The following UBA2 variants were observed in gnomAD, a reference collection of about 807,000 sequenced individuals.
UBA2 encodes the protein SUMO-activating enzyme subunit 2.
Under a neutral mutation model 77.2 loss-of-function variants are expected in UBA2, and 11 were observed. The observed-to-expected ratio is 0.14, with a 90% CI of 0.09 to 0.24. The LOEUF is 0.24. Among genes scored for constraint, UBA2 ranks in the 10% least tolerant of loss-of-function variants. The pLI, the probability that UBA2 is intolerant of heterozygous loss-of-function variation, is 1.00. For missense variants in UBA2, 487 were observed against 781.7 expected (o/e 0.62, Z 4.50); for synonymous variants, 278 against 276.7 (o/e 1.00, Z -0.05).
chr19:34,450,585 A>G (rs555296212), intron 9 of UBA2, among the ~76,000 whole-genome samples: 26 of 152,146 alleles, frequency 1.7e-4, no homozygotes, highest in South Asian at 6.2e-4. Flanking sequence ...ACACAGATGC[A>G]GGCATTCGTT....
chr19:34,452,655 A>T (rs1286604315), intron 10 of UBA2, among the ~76,000 whole-genome samples: 2 of 152,184 alleles, frequency 1.3e-5, no homozygotes, highest in Non-Finnish European at 2.9e-5. Context: ...ATCTTTTGAG[A>T]TTTGATATTA....
At chr19:34,451,415 T>G (rs928728786) in intron 9 of UBA2, among the ~76,000 whole-genome samples, 1 of 152,134 alleles carries the variant, frequency 6.6e-6, no homozygotes, top group South Asian at 2.1e-4. Context: ...GAGTTCTCAT[T>G]CTCACTAGGT....
intron 13 of UBA2, among the ~76,000 whole-genome samples, chr19:34,459,135 T>G (rs2075604274): frequency 6.6e-6 from 1 of 152,172 alleles, no homozygotes; most frequent in Non-Finnish European, 1.5e-5. Context: ...GTAGGAGTAT[T>G]TGACTGGAAT....
At chr19:34,456,986 T>C (rs1363379373) in intron 12 of UBA2, among the ~76,000 whole-genome samples, 1 of 151,280 alleles carries the variant, frequency 6.6e-6, no homozygotes, top group Non-Finnish European at 1.5e-5. Flanking sequence ...CATCACATCC[T>C]TCCGGTTTCT....
At chr19:34,436,305 GTTTATTT>G in intron 5 of UBA2, among the ~76,000 whole-genome samples, 2 of 125,030 alleles carry the variant, frequency 1.6e-5, no homozygotes, top group African/African-American at 7.8e-5. Context: ...TTATTTATTT[GTTTATTT>G]TTTTGAGACA....
At chr19:34,447,524 G>A in intron 8 of UBA2, among the ~76,000 whole-genome samples, 1 of 152,206 alleles carries the variant, frequency 6.6e-6, no homozygotes, top group Non-Finnish European at 1.5e-5. Context: ...AGACTTGAAA[G>A]CCAGAAAAAT....
At chr19:34,431,218 C>T (rs1395676452) in intron 2 of UBA2, among the ~76,000 whole-genome samples, 6 of 120,976 alleles carry the variant, frequency 5.0e-5, no homozygotes, top group Non-Finnish European at 9.1e-5. Flanking sequence ...ACAACCTTTA[C>T]TTTACTTTTC....
intron 2 of UBA2, among the ~76,000 whole-genome samples, chr19:34,431,249 T>C (rs1331968915): frequency 3.1e-5 from 4 of 131,000 alleles, no homozygotes; most frequent in African/African-American, 1.1e-4. Context: ...CTTTTCTTTT[T>C]TTTTTTTTTT....
chr19:34,467,991 T>C (rs1331600725), intron 16 of UBA2, among the ~76,000 whole-genome samples: 3 of 152,204 alleles, frequency 2.0e-5, no homozygotes, highest in Non-Finnish European at 4.4e-5. Flanking sequence ...TTGTTAAGTA[T>C]GGAATTTAGG....
intron 16 of UBA2, 126 bp downstream of exon 16, chr19:34,467,140 A>G: frequency 8.7e-7 from 1 of 1,150,142 alleles, no homozygotes; most frequent in Admixed American, 2.5e-5. Flanking sequence ...TTTGGTATTG[A>G]TTGTTGTAAT....
At chr19:34,429,852 G>A (rs370234655) in intron 1 of UBA2, among the ~76,000 whole-genome samples, 1 of 152,142 alleles carries the variant, frequency 6.6e-6, no homozygotes, top group African/African-American at 2.4e-5. Context: ...CAAAGAAAAA[G>A]AACAGGGCAT....
intron 10 of UBA2, among the ~76,000 whole-genome samples, chr19:34,452,848 A>G (rs1361971773): frequency 6.6e-6 from 1 of 152,266 alleles, no homozygotes; most frequent in Non-Finnish European, 1.5e-5. Context: ...TGGTTGAATC[A>G]GACATCTAAA....
intron 4 of UBA2, 94 bp downstream of exon 4, chr19:34,433,506 T>G: frequency 1.1e-6 from 1 of 898,272 alleles, no homozygotes; most frequent in South Asian, 1.5e-5. Flanking sequence ...CTATTGTGAT[T>G]TAGAACTTAA....
At chr19:34,467,049 C>T (rs759293408) in intron 16 of UBA2, 35 bp downstream of exon 16, 2 of 1,599,392 alleles carry the variant, frequency 1.3e-6, no homozygotes, top group East Asian at 2.2e-5. Context: ...TTGTTAAATA[C>T]CCACAAAGCA....
At chr19:34,450,593 G>A (rs1599915014) in intron 9 of UBA2, among the ~76,000 whole-genome samples, 3 of 152,010 alleles carry the variant, frequency 2.0e-5, no homozygotes, top group Non-Finnish European at 4.4e-5. Flanking sequence ...GCAGGCATTC[G>A]TTATACACTG....
At chr19:34,435,099 TA>T in intron 5 of UBA2, 131 bp downstream of exon 5, 1 of 664,288 alleles carries the variant, frequency 1.5e-6, no homozygotes, top group South Asian at 1.8e-5. Flanking sequence ...TATGCTTATA[TA>T]AAACTTAAAA....
chr19:34,442,793 C>T (rs972841326), intron 6 of UBA2, among the ~76,000 whole-genome samples: 1 of 152,110 alleles, frequency 6.6e-6, no homozygotes, highest in African/African-American at 2.4e-5. Context: ...ATTGGTGGAC[C>T]ATTTTAAATT....
intron 6 of UBA2, among the ~76,000 whole-genome samples, chr19:34,442,767 G>T (rs2075384508): frequency 6.6e-6 from 1 of 152,168 alleles, no homozygotes; most frequent in Non-Finnish European, 1.5e-5. Flanking sequence ...TAAACCTGTT[G>T]TAAAGGTGAA....
At position 34,460,576 on chromosome 19, in the gene UBA2, A is replaced by C. The variant is rs375837895; in HGVS notation, c.1498+10A>C. The C allele has an allele frequency of 6.4e-7, 1 of 1,563,982 alleles. No individual in the cohort carries two copies. On this transcript the variant is annotated intron_variant, in intron 14 of 16. Coordinates refer to ENST00000246548, the MANE Select transcript of UBA2 (RefSeq NM_005499.3). Reference sequence around the variant, plus strand: ...GAGGGAGAGACGGAAGGTATCATACATTGTATTTATTCATTCCTCTCATTG... The same window carrying C: ...GAGGGAGAGACGGAAGGTATCATACCTTGTATTTATTCATTCCTCTCATTG...
Sources: gnomAD v4.1 joint callset for allele counts (sites outside exome capture counted in the v4.1 genomes callset) on GRCh38, gnomAD v4.1.1 for gene constraint, MANE v1.5 for transcripts, NCBI Gene and HGNC (gene_info 2026-07-23, HGNC 2026-07-21) for gene names.